Variants in DYSF observed in about 807,000 individuals in gnomAD.
The protein encoded by DYSF is dysferlin.
In DYSF, 212 loss-of-function variants were observed where a neutral mutation model predicts 274.9. That is an observed-to-expected ratio of 0.77 (90% confidence interval 0.69 to 0.86). DYSF has a LOEUF of 0.86. DYSF is among the 40% of genes least tolerant of loss of function. DYSF has a pLI of 0.00. For synonymous variants in DYSF, 1,091 were observed against 1,078.7 expected (o/e 1.01, Z -0.22); for missense variants, 2,666 against 2,783.2 (o/e 0.96, Z 0.95).
chr2:71,648,265 G>C (rs957964809), intron 42 of DYSF, among the ~76,000 whole-genome samples: 1 of 152,110 alleles, frequency 6.6e-6, no homozygotes, highest in Non-Finnish European at 1.5e-5. Flanking sequence ...AATGAAAGTA[G>C]TCAAGGGCTG....
At chr2:71,644,188 T>C (rs2094532075) in intron 42 of DYSF, 125 bp downstream of exon 42, 1 of 866,698 alleles carries the variant, frequency 1.2e-6, no homozygotes, top group Non-Finnish European at 1.9e-6. Flanking sequence ...TGTCTGAGGG[T>C]GATGAATGCT....
At chr2:71,673,809 G>A (rs1170444119) in intron 51 of DYSF, among the ~76,000 whole-genome samples, 1 of 152,138 alleles carries the variant, frequency 6.6e-6, no homozygotes, top group Non-Finnish European at 1.5e-5. Flanking sequence ...GGATAAATGA[G>A]TTCATAGCAG....
At chr2:71,578,831 G>C (rs2092795735) in intron 30 of DYSF, among the ~76,000 whole-genome samples, 1 of 152,212 alleles carries the variant, frequency 6.6e-6, no homozygotes, top group African/African-American at 2.4e-5. Context: ...CTGCTCATTA[G>C]CACGGGCAGC....
chr2:71,526,418 T>TGGGGTTTG, intron 13 of DYSF, 72 bp downstream of exon 13: 1 of 261,506 alleles, frequency 3.8e-6, no homozygotes, highest in Non-Finnish European at 7.0e-6. Flanking sequence ...GGGTGGGCGA[T>TGGGGTTTG]GGCGGGCGGG....
chr2:71,686,677 C>A lies in DYSF; in HGVS notation c.*185C>A. 2 of 685,532 alleles carry A rather than the reference C, an allele frequency of 2.9e-6. No individual in the cohort carries two copies. The highest frequency in any genetic ancestry group is 2.6e-6 in the Non-Finnish European group (1 of 385,254). 42.5% of individuals were successfully genotyped at this position (685,532 alleles called of 1,614,324 possible). A position where few individuals can be genotyped will look rare whatever the true frequency, so the allele number is the denominator to read the frequency against. ...TGCTAACATGGAGCTCTGAGATCAC[C>A]CCACTTCCATCATTTCCTTCTCCCC... On this transcript the variant is annotated 3_prime_UTR_variant, in exon 56 of 56. Coordinates refer to ENST00000410020, the MANE Select transcript of DYSF (RefSeq NM_001130987.2).
chr2:71,501,259 GA>G (rs34946959), intron 3 of DYSF, among the ~76,000 whole-genome samples: 2 of 152,144 alleles, frequency 1.3e-5, no homozygotes, highest in African/African-American at 4.8e-5. Context: ...GAAAGGGTTA[GA>G]AAATGGACCT....
In DYSF at chr2:71,598,596, A is replaced by G. The variant is rs139194366; in HGVS notation, c.3607A>G (p.Ser1203Gly). ...TGCCATCGTCTCCTTCCTGCACCAG[A>G]GCCAGAAGACGGTGGTGGTGAAGAA... The part of the protein sequence containing the change: ...PYAIVSFLHQ[S>G]QKTVVVKNTL... The change falls in exon 33 of 56, where the codon AGC becomes GGC. Residue 1203 changes from serine to glycine, a missense_variant. By Grantham distance (56) the Ser-to-Gly change is moderately conservative. Around this residue, in one of 3 missense-constraint regions of DYSF, gnomAD observed 1,460 missense variants for 1,502.1 expected, o/e 0.97. Transcript: ENST00000410020. 1 of 1,614,170 alleles carries G rather than the reference A, an allele frequency of 6.2e-7. No individual in the cohort carries two copies. The highest frequency in any genetic ancestry group is 8.5e-7 in the Non-Finnish European group (1 of 1,180,032).
At chr2:71,680,427 A>C (rs2095281548) in intron 53 of DYSF, among the ~76,000 whole-genome samples, 1 of 152,230 alleles carries the variant, frequency 6.6e-6, no homozygotes, top group Non-Finnish European at 1.5e-5. Context: ...ATTTAACAAT[A>C]TTTATGCCCT....
rs577229806 is a variant in DYSF, at chr2:71,526,982, A to G, written c.1276+636A>G. ...ATGTGGCCACTGCCTGGTTTCTCAC[A>G]GTGGTTGGCCCGATACTAGACCCAT... On this transcript the variant is annotated intron_variant, in intron 13 of 55. Transcript: ENST00000410020. Among the ~76,000 whole-genome samples, 7 of 152,356 alleles carry G rather than the reference A, an allele frequency of 4.6e-5. No individual in the cohort carries two copies. The South Asian group carries it at 1.2e-3, about 27-fold the overall frequency.
At chr2:71,553,300 TCCTGGCCCTGGC>T in intron 20 of DYSF, 112 bp downstream of exon 20, 1 of 1,510,232 alleles carries the variant, frequency 6.6e-7, no homozygotes, top group Non-Finnish European at 9.1e-7. Flanking sequence ...AAGGCCCTGG[TCCTGGCCCTGGC>T]AAACCTGTTC....
chr2:71,589,786 G>A (rs967364891), intron 31 of DYSF, 100 bp downstream of exon 31: 3 of 1,192,378 alleles, frequency 2.5e-6, no homozygotes, highest in East Asian at 2.3e-5. Context: ...GTGGGGCTCT[G>A]GGGAGCTGAG....
chr2:71,578,934 C>A (rs1186405905), intron 30 of DYSF, among the ~76,000 whole-genome samples: 1 of 152,232 alleles, frequency 6.6e-6, no homozygotes. Flanking sequence ...CTGTCTCCAT[C>A]CCGAGCATTA....
intron 14 of DYSF, among the ~76,000 whole-genome samples, chr2:71,531,189 C>A (rs1030744771): frequency 6.6e-6 from 1 of 152,048 alleles, no homozygotes; most frequent in Non-Finnish European, 1.5e-5. Context: ...CTGTACCCTG[C>A]ACCACCCTGG....
intron 17 of DYSF, among the ~76,000 whole-genome samples, chr2:71,542,392 T>A (rs529151716): frequency 2.2e-5 from 3 of 138,714 alleles, no homozygotes; most frequent in South Asian, 2.2e-4. Flanking sequence ...TTTTTTTTTT[T>A]ATTGATCATT....
chr2:71,509,492 T>C (rs181515102), intron 4 of DYSF, among the ~76,000 whole-genome samples: 14 of 152,280 alleles, frequency 9.2e-5, no homozygotes, highest in African/African-American at 3.1e-4. Context: ...CACTGCTGTT[T>C]CTTGGTTGAA....
intron 3 of DYSF, among the ~76,000 whole-genome samples, chr2:71,487,360 A>G (rs968239295): frequency 6.6e-6 from 1 of 152,164 alleles, no homozygotes; most frequent in Admixed American, 6.5e-5. Context: ...TAAAAAAAAA[A>G]TAAGTGTCTG....
intron 13 of DYSF, among the ~76,000 whole-genome samples, chr2:71,527,690 C>G (rs1458315830): frequency 6.6e-6 from 1 of 152,154 alleles, no homozygotes; most frequent in East Asian, 1.9e-4. Context: ...AATCTTTATC[C>G]CCCTCCACTT....
At chr2:71,655,601 A>G (rs1162553354) in intron 42 of DYSF, among the ~76,000 whole-genome samples, 1 of 152,270 alleles carries the variant, frequency 6.6e-6, no homozygotes, top group Non-Finnish European at 1.5e-5. Context: ...TGAGCTAACA[A>G]GTTTAAAGTG....
chr2:71,509,104 C>T (rs1211803495), intron 4 of DYSF, among the ~76,000 whole-genome samples: 1 of 152,208 alleles, frequency 6.6e-6, no homozygotes, highest in Non-Finnish European at 1.5e-5. Context: ...GATTCACCCA[C>T]CTCGGCCTCC....
Sources: gnomAD v4.1 joint callset for allele counts (sites outside exome capture counted in the v4.1 genomes callset) on GRCh38, gnomAD v4.1.1 for gene constraint, gnomAD v4.1.1 regional missense constraint, MANE v1.5 for transcripts, NCBI Gene and HGNC (gene_info 2026-07-23, HGNC 2026-07-21) for gene names.